The following FRAS1 variants were observed in gnomAD, a reference collection of about 807,000 sequenced individuals.
FRAS1 encodes extracellular matrix organizing protein FRAS1.
FRAS1 carries 290 observed loss-of-function variants against 435.2 expected under a neutral mutation model. That is an observed-to-expected ratio of 0.67 (90% CI 0.61 to 0.73). FRAS1 has a LOEUF of 0.73. FRAS1 is among the 30% of genes least tolerant of loss of function. FRAS1 has a pLI of 0.00. For synonymous variants in FRAS1, 1,800 were observed against 1,851.0 expected, an observed-to-expected ratio of 0.97 and a Z score of 0.71; for missense variants, 4,860 against 5,001.5, an observed-to-expected ratio of 0.97 and a Z score of 0.85.
chr4:78,292,905 T>G (rs1727963981), intron 14 of FRAS1, among the ~76,000 whole-genome samples: 1 of 152,236 alleles, frequency 6.6e-6, no homozygotes, highest in Admixed American at 6.5e-5. Context: ...GTTCAGAACT[T>G]CTTTGGCATT....
chr4:78,527,587 G>T (rs930778440), intron 70 of FRAS1, among the ~76,000 whole-genome samples: 2 of 152,166 alleles, frequency 1.3e-5, no homozygotes, highest in Admixed American at 6.5e-5. Context: ...AAAAGACTGA[G>T]AATTGGCTAT....
rs1353970532 is a variant in FRAS1, at chr4:78,477,993, A to C, written c.8030A>C (p.Glu2677Ala). The change falls in exon 55 of 74, where the codon GAG becomes GCG. Residue 2677 changes from glutamate to alanine, a missense_variant. Physicochemically the swap from Glu to Ala is moderately radical, Grantham distance 107. Coordinates refer to ENST00000512123, the MANE Select transcript of FRAS1 (RefSeq NM_025074.7). ...INDTEDEPTL[E>A]FDKKIYWVNE... Reference sequence around the variant, plus strand: ...GATACCGAGGATGAACCCACATTAGAGTTTGACAAGAAGATCTACTGGGTT... The same window carrying C: ...GATACCGAGGATGAACCCACATTAGCGTTTGACAAGAAGATCTACTGGGTT... 6.2e-7 allele frequency: 1 copy of C among 1,610,574 alleles called. No individual in the cohort carries two copies. The highest frequency in any genetic ancestry group is 1.7e-5 in the Admixed American group (1 of 59,628).
chr4:78,374,911 T>C (rs1731694231), intron 25 of FRAS1, among the ~76,000 whole-genome samples: 4 of 152,152 alleles, frequency 2.6e-5, no homozygotes, highest in Admixed American at 1.3e-4. Context: ...CTTGATAAAA[T>C]ATCACAGACA....
intron 2 of FRAS1, among the ~76,000 whole-genome samples, chr4:78,218,098 T>TCACACACACACA (rs1553931228): frequency 0.19 from 7,698 of 39,536 alleles, 1,421 homozygotes; most frequent in East Asian, 0.39. Flanking sequence ...TCACTCTCTC[T>TCACACACACACA]CACACACACA....
intron 31 of FRAS1, among the ~76,000 whole-genome samples, chr4:78,410,051 C>T (rs1733273193): frequency 6.6e-6 from 1 of 152,158 alleles, no homozygotes. Flanking sequence ...TCATTTTTAG[C>T]ACCTGGGGAT....
intron 47 of FRAS1, among the ~76,000 whole-genome samples, chr4:78,462,460 A>G (rs1196754569): frequency 6.6e-6 from 1 of 152,212 alleles, no homozygotes; most frequent in Non-Finnish European, 1.5e-5. Context: ...TTTTACCTCA[A>G]TAAAAAATGT....
chr4:78,111,894 C>A (rs953384074), intron 2 of FRAS1, among the ~76,000 whole-genome samples: 1 of 151,768 alleles, frequency 6.6e-6, no homozygotes, highest in Non-Finnish European at 1.5e-5. Context: ...ATGAGAAAAG[C>A]AGGCTTACTG....
intron 44 of FRAS1, 81 bp downstream of exon 44, chr4:78,448,397 T>G (rs1560734247): frequency 1.5e-6 from 2 of 1,302,036 alleles, no homozygotes; most frequent in Non-Finnish European, 1.0e-6. Flanking sequence ...CTTTCTTCCA[T>G]GTTAGTGATG....
intron 2 of FRAS1, among the ~76,000 whole-genome samples, chr4:78,084,604 G>C (rs942940142): frequency 5.9e-5 from 9 of 152,054 alleles, no homozygotes; most frequent in Non-Finnish European, 1.2e-4. Flanking sequence ...ACCTCTTTAA[G>C]TTTGCTGTTG....
At chr4:78,270,946 A>T (rs1578218437) in intron 9 of FRAS1, among the ~76,000 whole-genome samples, 1 of 152,202 alleles carries the variant, frequency 6.6e-6, no homozygotes, top group Non-Finnish European at 1.5e-5. Context: ...ATAATCATTT[A>T]TGTATTTTTG....
intron 2 of FRAS1, among the ~76,000 whole-genome samples, chr4:78,180,032 G>A (rs751501284): frequency 6.6e-6 from 1 of 152,230 alleles, no homozygotes; most frequent in East Asian, 1.9e-4. Context: ...CTAGGCACTA[G>A]GATAAAAGTC....
At chr4:78,159,340 AGAGT>A (rs1168251746) in intron 2 of FRAS1, among the ~76,000 whole-genome samples, 1 of 152,226 alleles carries the variant, frequency 6.6e-6, no homozygotes, top group Non-Finnish European at 1.5e-5. Context: ...TGTGGATACA[AGAGT>A]GAGTATTTCT....
At chr4:78,249,048 G>GCATATATATATATGCATATATATATATGT (rs1553934018) in intron 4 of FRAS1, among the ~76,000 whole-genome samples, 1 of 27,530 alleles carries the variant, frequency 3.6e-5, no homozygotes, top group African/African-American at 8.4e-5. Flanking sequence ...AAGAACTACT[G>GCATATATATATATGCATATATATATATGT]ATATATATAT....
At chr4:78,299,682 G>A (rs1728299642) in intron 14 of FRAS1, among the ~76,000 whole-genome samples, 1 of 152,132 alleles carries the variant, frequency 6.6e-6, no homozygotes, top group South Asian at 2.1e-4. Context: ...TCTCTAAAAA[G>A]CAGAAGTGAT....
chr4:78,494,395 G>A (rs1720452224), intron 59 of FRAS1, among the ~76,000 whole-genome samples: 1 of 152,156 alleles, frequency 6.6e-6, no homozygotes, highest in Admixed American at 6.5e-5. Flanking sequence ...CATGGTGCCA[G>A]CATCTGCTTC....
chr4:78,510,904 G>A (rs1560419443), intron 63 of FRAS1, among the ~76,000 whole-genome samples: 1 of 152,192 alleles, frequency 6.6e-6, no homozygotes, highest in Non-Finnish European at 1.5e-5. Flanking sequence ...CATGCTCTCA[G>A]CAACAGTGAT....
Position 78,466,402 on chromosome 4 carries a change from C to T in FRAS1, c.7224C>T (p.Asn2408=). 6.2e-7 allele frequency: 1 copy of T among 1,613,848 alleles called. No individual in the cohort carries two copies. The highest frequency in any genetic ancestry group is 1.1e-5 in the South Asian group (1 of 91,056). ...CCTTCACTGTTTCTGATGGGACAAA[C>T]CCCTTCTTTATCATTGAGGAAGGGG... ...RFTFTVSDGT[N]PFFIIEEGGK... The change falls in exon 50 of 74, where the codon AAC becomes AAT. Residue 2408 remains asparagine, a synonymous_variant. Transcript: ENST00000512123.
chr4:78,407,561 C>A (rs1389207105), intron 30 of FRAS1, 102 bp from the exon 31 acceptor site: 7 of 860,440 alleles, frequency 8.1e-6, no homozygotes, highest in South Asian at 2.1e-5. Context: ...AGAAGTACAT[C>A]ATTTCTTTCT....
In FRAS1 at chr4:78,389,759, T is replaced by C. The variant is rs73831304; in HGVS notation, c.3975+2058T>C. On this transcript the variant is annotated intron_variant, in intron 29 of 73. Coordinates refer to ENST00000512123, the MANE Select transcript of FRAS1 (RefSeq NM_025074.7). ...CACGTTTGGAGCTCAGTTCAGTGTG[T>C]TGCACAACCATTTTGTGTGGAATGG... Among the ~76,000 whole-genome samples the C allele has an allele frequency of 7.7e-3, 1,179 of 152,310 alleles. 14 individuals carry two copies. The highest frequency in any genetic ancestry group is 0.027 in the African/African-American group (1,107 of 41,566).
Sources: allele counts gnomAD v4.1 joint callset (sites outside exome capture counted in the v4.1 genomes callset), GRCh38; gene constraint gnomAD v4.1.1; transcripts MANE v1.5; gene names NCBI Gene and HGNC (gene_info 2026-07-23, HGNC 2026-07-21).